The following PARD3B variants were observed in gnomAD, a reference collection of about 807,000 sequenced individuals.
The protein encoded by PARD3B is partitioning defective 3 homolog B.
Under a neutral mutation model 130.2 loss-of-function variants are expected in PARD3B, and 103 were observed. That is an observed-to-expected ratio of 0.79 (90% CI 0.67 to 0.93). PARD3B has a LOEUF of 0.93. Among genes scored for constraint, PARD3B ranks in the 40% least tolerant of loss-of-function variants. PARD3B has a pLI of 0.00. For missense variants in PARD3B, 1,609 were observed against 1,499.2 expected (o/e 1.07, Z -1.21); for synonymous variants, 583 against 553.2 (o/e 1.05, Z -0.76).
At chr2:204,733,227 A>G (rs2039593252) in intron 2 of PARD3B, among the ~76,000 whole-genome samples, 2 of 152,194 alleles carry the variant, frequency 1.3e-5, no homozygotes, top group East Asian at 3.9e-4. Flanking sequence ...AGTAAGTGAT[A>G]CACTTAGTGA....
At chr2:205,494,050 T>G (rs1218214394) in intron 20 of PARD3B, among the ~76,000 whole-genome samples, 1 of 152,058 alleles carries the variant, frequency 6.6e-6, no homozygotes, top group East Asian at 1.9e-4. Flanking sequence ...GTGAGCCACC[T>G]CACCTGACCT....
At chr2:204,624,900 T>C (rs1182125568) in intron 1 of PARD3B, among the ~76,000 whole-genome samples, 1 of 152,132 alleles carries the variant, frequency 6.6e-6, no homozygotes, top group African/African-American at 2.4e-5. Context: ...GCATTTGATA[T>C]TGTCACTATT....
At chr2:204,820,070 A>ATTTTTT (rs1559170803) in intron 2 of PARD3B, among the ~76,000 whole-genome samples, 1 of 86,298 alleles carries the variant, frequency 1.2e-5, no homozygotes, top group African/African-American at 6.4e-5. Context: ...TAAACAATAG[A>ATTTTTT]CTTTTTTTTT....
chr2:204,856,173 C>G (rs2044929391), intron 2 of PARD3B, among the ~76,000 whole-genome samples: 1 of 152,136 alleles, frequency 6.6e-6, no homozygotes, highest in Non-Finnish European at 1.5e-5. Context: ...ACACTCTACA[C>G]AAAGGTTGCC....
At chr2:205,107,643 T>C (rs1703320784) in intron 5 of PARD3B, among the ~76,000 whole-genome samples, 1 of 152,228 alleles carries the variant, frequency 6.6e-6, no homozygotes, top group Non-Finnish European at 1.5e-5. Flanking sequence ...TAGGGACATA[T>C]TTGCTAAGTG....
chr2:204,653,046 A>G (rs2035533904), intron 1 of PARD3B, among the ~76,000 whole-genome samples: 1 of 151,094 alleles, frequency 6.6e-6, no homozygotes, highest in African/African-American at 2.5e-5. Flanking sequence ...GGATGGGGAC[A>G]CAGAGCCAAA....
chr2:204,961,169 G>A (rs1160937243), intron 2 of PARD3B, among the ~76,000 whole-genome samples: 1 of 152,206 alleles, frequency 6.6e-6, no homozygotes, highest in Non-Finnish European at 1.5e-5. Context: ...TATTAAAGGA[G>A]TCTCATCAGA....
At chr2:205,226,472 G>A (rs2038556833) in intron 15 of PARD3B, among the ~76,000 whole-genome samples, 1 of 152,184 alleles carries the variant, frequency 6.6e-6, no homozygotes, top group African/African-American at 2.4e-5. Flanking sequence ...TTTTCTTGTA[G>A]TAGTTTCATG....
intron 2 of PARD3B, among the ~76,000 whole-genome samples, chr2:204,963,278 G>A (rs933375106): frequency 1.3e-5 from 2 of 152,046 alleles, no homozygotes; most frequent in Non-Finnish European, 2.9e-5. Flanking sequence ...ATGGAAAACA[G>A]CAAAGTATCT....
chr2:205,336,401 A>C (rs1460237024), intron 18 of PARD3B, among the ~76,000 whole-genome samples: 1 of 152,200 alleles, frequency 6.6e-6, no homozygotes, highest in Non-Finnish European at 1.5e-5. Context: ...AGAATCTCTG[A>C]TCTTATTTCC....
chr2:204,975,180 G>C (rs1166400495), intron 3 of PARD3B, among the ~76,000 whole-genome samples: 1 of 152,128 alleles, frequency 6.6e-6, no homozygotes, highest in Middle Eastern at 3.2e-3. Flanking sequence ...CCATAGCTTG[G>C]TTAATTGCTT....
intron 2 of PARD3B, among the ~76,000 whole-genome samples, chr2:204,771,383 C>A (rs1017946958): frequency 6.6e-6 from 1 of 151,914 alleles, no homozygotes; most frequent in Admixed American, 6.6e-5. Context: ...TTTCAGGGAG[C>A]CTTGGTCCTT....
intron 22 of PARD3B, among the ~76,000 whole-genome samples, chr2:205,609,309 T>C (rs1406166154): frequency 1.3e-5 from 2 of 152,114 alleles, no homozygotes; most frequent in African/African-American, 4.8e-5. Flanking sequence ...TTTAAAGCTT[T>C]GCAGTATTTG....
Position 205,457,101 on chromosome 2 carries a change from G to C in PARD3B, c.3044+16429G>C, listed in dbSNP as rs114379962. ...TTTAAACATTTGTTAGAATTTTCCAGTGAAATCATCTGGGCCTGGAGAGTT... is the reference window on the plus strand; with the variant it reads ...TTTAAACATTTGTTAGAATTTTCCACTGAAATCATCTGGGCCTGGAGAGTT... On this transcript the variant is annotated intron_variant, in intron 20 of 22. Transcript: ENST00000406610. Among the ~76,000 whole-genome samples, 817 of 151,848 alleles carry C rather than the reference G, an allele frequency of 5.4e-3. 10 individuals are homozygous for C. The highest frequency in any genetic ancestry group is 0.019 in the African/African-American group (774 of 41,498).
chr2:204,639,464 A>T (rs2034998906), intron 1 of PARD3B, among the ~76,000 whole-genome samples: 1 of 152,204 alleles, frequency 6.6e-6, no homozygotes, highest in South Asian at 2.1e-4. Flanking sequence ...ATATCTGTGG[A>T]TTCAACGAAA....
intron 10 of PARD3B, among the ~76,000 whole-genome samples, chr2:205,133,910 A>T (rs1041454192): frequency 6.6e-5 from 10 of 152,334 alleles, no homozygotes; most frequent in Non-Finnish European, 1.5e-4. Flanking sequence ...CACATATCAC[A>T]GGAGGTACTT....
chr2:205,062,742 G>A (rs182769122), intron 4 of PARD3B, among the ~76,000 whole-genome samples: 3 of 152,208 alleles, frequency 2.0e-5, no homozygotes, highest in Admixed American at 2.0e-4. Context: ...GTTTTTAAAG[G>A]TAATGTACAG....
chr2:205,440,687 G>A lies in PARD3B; in HGVS notation c.3044+15G>A, dbSNP rs1442260428. On this transcript the variant is annotated intron_variant, in intron 20 of 22. Transcript: ENST00000406610. The surrounding 1 kb of genome is among the most constrained non-coding windows in gnomAD (Gnocchi z 4.2). ...CCAGCTGACAGGTAATAAACTTAGT[G>A]AAAGATAAATGTAGCTTTAATTCAG... 6.3e-7 allele frequency: 1 copy of A among 1,598,046 alleles called. No homozygotes were observed. The highest frequency in any genetic ancestry group is 8.6e-7 in the Non-Finnish European group (1 of 1,166,198).
intron 2 of PARD3B, among the ~76,000 whole-genome samples, chr2:204,728,570 T>C (rs2039343529): frequency 6.6e-6 from 1 of 151,874 alleles, no homozygotes; most frequent in South Asian, 2.1e-4. Flanking sequence ...ACATGATACC[T>C]ATTTGTGTAA....
Sources: allele counts gnomAD v4.1 joint callset (sites outside exome capture counted in the v4.1 genomes callset), GRCh38; gene constraint gnomAD v4.1.1; non-coding constraint Gnocchi (gnomAD v3.1); transcripts MANE v1.5; gene names NCBI Gene and HGNC (gene_info 2026-07-23, HGNC 2026-07-21).